Variants in ZNF75D observed in about 807,000 individuals in gnomAD.
ZNF75D encodes zinc finger protein 75.
ZNF75D carries 33 observed loss-of-function variants against 33.3 expected under a neutral mutation model. The observed-to-expected ratio is 0.99, with a 90% CI of 0.75 to 1.32. The LOEUF (loss-of-function observed/expected upper bound fraction) is 1.32, where lower values mean the gene tolerates loss of function less well. ZNF75D is among the 40% of genes most tolerant of loss of function. ZNF75D has a pLI of 0.00. For synonymous variants in ZNF75D, 113 were observed against 130.6 expected (o/e 0.87, Z 0.92); for missense variants, 338 against 367.5 (o/e 0.92, Z 0.66).
chrX:135,339,296 T>C (rs1437538949), intron 1 of ZNF75D, among the ~76,000 whole-genome samples: 1 of 112,189 alleles, frequency 8.9e-6, no homozygotes, highest in African/African-American at 3.2e-5. Context: ...CCATTCTCTT[T>C]CAAGTCCTGG....
At chrX:135,249,061 G>A (rs1333205965) in exon 4 of ZNF75D, 2 of 324,235 alleles carry the variant, frequency 6.2e-6, no homozygotes. Flanking sequence ...GGTCCACCCT[G>A]GTATGGCTTG....
At chrX:135,260,577 T>C (rs1200225116) in intron 1 of ZNF75D, among the ~76,000 whole-genome samples, 7 of 112,418 alleles carry the variant, frequency 6.2e-5, no homozygotes, top group Non-Finnish European at 1.3e-4. Flanking sequence ...CTAGTTTATT[T>C]GCATAGAGCT....
chrX:135,328,950 G>A (rs1173815034), intron 1 of ZNF75D, among the ~76,000 whole-genome samples: 6 of 112,320 alleles, frequency 5.3e-5, no homozygotes, highest in African/African-American at 1.3e-4. Context: ...TCTCAAATCT[G>A]TACCTCTGAA....
In ZNF75D at chrX:135,322,010, C is replaced by G. The variant is rs185770116; in HGVS notation, c.-391+19758G>C. Among the ~76,000 whole-genome samples, 388 of 112,091 alleles carry G rather than the reference C, an allele frequency of 3.5e-3. 3 individuals are homozygous for G. The highest frequency in any genetic ancestry group is 0.012 in the African/African-American group (366 of 30,842). On this transcript the variant is annotated intron_variant, in intron 1 of 6. Transcript: ENST00000370766. ...TGCAGGTGCTTAATTGCTTTCTACT[C>G]GGGAAGTCCACAATGTCAATTACCC...
chrX:135,308,453 G>A (rs781851590), intron 1 of ZNF75D, among the ~76,000 whole-genome samples: 2 of 112,021 alleles, frequency 1.8e-5, no homozygotes, highest in East Asian at 5.6e-4. Flanking sequence ...ACCCTGTTTG[G>A]TAATGGGGGG....
chrX:135,312,618 G>A (rs782454854), intron 1 of ZNF75D, among the ~76,000 whole-genome samples: 88 of 108,306 alleles, frequency 8.1e-4, no homozygotes, highest in African/African-American at 2.7e-3. Flanking sequence ...CCAAAAAAGT[G>A]TATGAGTTCT....
In ZNF75D at chrX:135,306,195, C is replaced by T. The variant is rs903781526; in HGVS notation, c.-390-10156G>A. 7.4e-5 allele frequency among the ~76,000 whole-genome samples: 8 copies of T among 108,802 alleles called. No individual in the cohort carries two copies. In the South Asian group the frequency reaches 1.2e-3, roughly 17 times the overall value. The allele number at this position is 108,802 out of a possible 115,157, so 94.5% of individuals were successfully genotyped here. On this transcript the variant is annotated intron_variant, in intron 1 of 6. Coordinates refer to ENST00000370766, the MANE Select transcript of ZNF75D (RefSeq NM_007131.5). The stretch of plus-strand genomic sequence containing the variant: ...TTCCTCCTGGTGCTCTGTGCAGATG[C>T]GCTGGGACTGACTTCAGAGTGTCCC...
intron 1 of ZNF75D, among the ~76,000 whole-genome samples, chrX:135,299,485 TTTA>T (rs781943769): frequency 9.8e-5 from 11 of 112,163 alleles, no homozygotes; most frequent in Admixed American, 2.8e-4. Context: ...TTATTTGTCT[TTTA>T]TTATTGAGTT....
At chrX:135,279,437 G>C (rs781808693) in intron 1 of ZNF75D, among the ~76,000 whole-genome samples, 11 of 111,660 alleles carry the variant, frequency 9.9e-5, no homozygotes, top group African/African-American at 3.6e-4. Context: ...CAAAAAAACA[G>C]CTCCTGGATT....
At chrX:135,260,641 T>C (rs1445554150) in intron 1 of ZNF75D, among the ~76,000 whole-genome samples, 10 of 112,116 alleles carry the variant, frequency 8.9e-5, no homozygotes, top group Admixed American at 7.6e-4. Flanking sequence ...GGTGGTGATA[T>C]CCCCTTTATC....
intron 1 of ZNF75D, among the ~76,000 whole-genome samples, chrX:135,279,510 A>G (rs1186267953): frequency 1.8e-5 from 2 of 110,439 alleles, no homozygotes; most frequent in Admixed American, 1.9e-4. Flanking sequence ...GATCTTAGTT[A>G]TTTCTTGTCT....
At chrX:135,319,360 A>C (rs2084467900) in intron 1 of ZNF75D, among the ~76,000 whole-genome samples, 1 of 112,146 alleles carries the variant, frequency 8.9e-6, no homozygotes, top group South Asian at 3.7e-4. Context: ...TATTACATGC[A>C]ACAAATATAA....
intron 1 of ZNF75D, among the ~76,000 whole-genome samples, chrX:135,321,396 TTTGATTAATTAGAAA>T (rs2084493416): frequency 8.9e-6 from 1 of 112,388 alleles, no homozygotes; most frequent in African/African-American, 3.2e-5. Flanking sequence ...AATTGTTTCT[TTTGATTAATTAGAAA>T]GAGGAAACAT....
intron 1 of ZNF75D, among the ~76,000 whole-genome samples, chrX:135,314,885 G>A (rs1023878411): frequency 9.9e-5 from 11 of 111,272 alleles, no homozygotes; most frequent in Non-Finnish European, 2.1e-4. Flanking sequence ...TCTAGCTAGT[G>A]GTTTATCAAT....
intron 1 of ZNF75D, among the ~76,000 whole-genome samples, chrX:135,260,565 T>G: frequency 8.9e-6 from 1 of 112,373 alleles, no homozygotes; most frequent in African/African-American, 3.2e-5. Flanking sequence ...CTTCTAGATT[T>G]TCTAGTTTAT....
chrX:135,276,630 C>T (rs945829531), intron 1 of ZNF75D, among the ~76,000 whole-genome samples: 1 of 110,421 alleles, frequency 9.1e-6, no homozygotes, highest in African/African-American at 3.3e-5. Flanking sequence ...CTAATGCTAT[C>T]CCTCCCCTAG....
intron 4 of ZNF75D, 141 bp from the exon 5 acceptor site, chrX:135,291,704 G>T: frequency 1.2e-6 from 1 of 856,279 alleles, no homozygotes; most frequent in Non-Finnish European, 1.6e-6. Context: ...CCAAGAAGTG[G>T]CCATCTCATT....
chrX:135,295,252 T>A (rs2084108677), intron 2 of ZNF75D, among the ~76,000 whole-genome samples: 1 of 111,973 alleles, frequency 8.9e-6, no homozygotes, highest in African/African-American at 3.2e-5. Flanking sequence ...ACAGGAACAC[T>A]TCTTACATTT....
intron 1 of ZNF75D, among the ~76,000 whole-genome samples, chrX:135,307,212 A>G (rs7065639): frequency 0.25 from 28,210 of 111,124 alleles, 2,840 homozygotes; most frequent in South Asian, 0.44. Context: ...CACTGAACAC[A>G]GCCTCAGGGT....
Sources: gnomAD v4.1 joint callset for allele counts (sites outside exome capture counted in the v4.1 genomes callset) on GRCh38, gnomAD v4.1.1 for gene constraint, MANE v1.5 for transcripts, NCBI Gene and HGNC (gene_info 2026-07-23, HGNC 2026-07-21) for gene names.